VPS50: variants seen among roughly 807,000 people sequenced by gnomAD.
VPS50 encodes syndetin.
VPS50 carries 70 observed loss-of-function variants against 139.7 expected under a neutral mutation model. The ratio of observed to expected loss-of-function variants is 0.50; its 90% CI spans 0.41 to 0.61. VPS50 has a LOEUF of 0.61. VPS50 is among the 20% of genes least tolerant of loss of function. The pLI is 0.00. For missense variants in VPS50, 921 were observed against 1,133.7 expected, an observed-to-expected ratio of 0.81 and a Z score of 2.69; for synonymous variants, 365 against 376.7, an observed-to-expected ratio of 0.97 and a Z score of 0.36.
chr7:93,332,144 A>G (rs1183268822), intron 21 of VPS50, among the ~76,000 whole-genome samples: 1 of 152,234 alleles, frequency 6.6e-6, no homozygotes, highest in Non-Finnish European at 1.5e-5. Flanking sequence ...CTGCTAAAGA[A>G]CAGAAATTTA....
intron 1 of VPS50, among the ~76,000 whole-genome samples, chr7:93,239,357 A>G (rs748420623): frequency 1.3e-5 from 2 of 152,188 alleles, no homozygotes; most frequent in African/African-American, 2.4e-5. Flanking sequence ...AGACAGTGAG[A>G]TATGAGACTT....
chr7:93,336,009 T>C (rs1418876338), intron 22 of VPS50, among the ~76,000 whole-genome samples: 3 of 152,214 alleles, frequency 2.0e-5, no homozygotes, highest in South Asian at 4.1e-4. Context: ...GATCTCAGGA[T>C]TTTTTAAGCT....
chr7:93,332,929 T>A (rs1797977122), intron 21 of VPS50, among the ~76,000 whole-genome samples: 1 of 148,360 alleles, frequency 6.7e-6, no homozygotes, highest in Non-Finnish European at 1.5e-5. Flanking sequence ...AAAACTACAG[T>A]GAGAGAAAGC....
intron 21 of VPS50, among the ~76,000 whole-genome samples, chr7:93,333,695 C>T (rs1383515854): frequency 2.0e-5 from 3 of 152,118 alleles, no homozygotes; most frequent in African/African-American, 7.2e-5. Context: ...GTTAAGCTAT[C>T]GCTAATTTGT....
At chr7:93,291,039 A>G (rs1389583686) in intron 12 of VPS50, among the ~76,000 whole-genome samples, 1 of 152,134 alleles carries the variant, frequency 6.6e-6, no homozygotes, top group African/African-American at 2.4e-5. Context: ...TTGCTGCATT[A>G]TGACAAATGG....
rs530410709 is a variant in VPS50, at chr7:93,321,568, T to C, written c.1856-2043T>C. Among the ~76,000 whole-genome samples, 9 of 152,332 alleles carry C rather than the reference T, an allele frequency of 5.9e-5. No individual in the cohort carries two copies. In the East Asian group the frequency reaches 1.5e-3, roughly 26 times the overall value. The stretch of plus-strand genomic sequence containing the variant: ...GTTCCTTAATACAAGGCCAAGTATA[T>C]AGTAAGCCTTCAAAACGCGTTTGTT... On this transcript the variant is annotated intron_variant, in intron 20 of 27. Coordinates refer to ENST00000305866, the MANE Select transcript of VPS50 (RefSeq NM_017667.4).
At chr7:93,270,245 C>T (rs1393584299) in intron 9 of VPS50, among the ~76,000 whole-genome samples, 1 of 151,838 alleles carries the variant, frequency 6.6e-6, no homozygotes, top group Non-Finnish European at 1.5e-5. Context: ...GTAATTACCA[C>T]CTAGAAGTAG....
At chr7:93,322,232 A>G (rs1024260090) in intron 20 of VPS50, among the ~76,000 whole-genome samples, 7 of 152,360 alleles carry the variant, frequency 4.6e-5, no homozygotes, top group Admixed American at 3.9e-4. Flanking sequence ...TTTTGATAGT[A>G]GACATTTCCT....
At chr7:93,322,474 C>G (rs1349597913) in intron 20 of VPS50, among the ~76,000 whole-genome samples, 1 of 151,356 alleles carries the variant, frequency 6.6e-6, no homozygotes, top group Non-Finnish European at 1.5e-5. Context: ...GTAGCGGGCG[C>G]CTGTAGTCCC....
At position 93,353,627 on chromosome 7, in the gene VPS50, T is replaced by C. The variant is rs779299803; in HGVS notation, c.2464-13T>C. ...AATGATATTCACAAACAGCTACCTA[T>C]TTGTCTTCTTAGGAATTTGAGCAGT... On this transcript the variant is annotated splice_polypyrimidine_tract_variant and intron_variant, in intron 25 of 27. Transcript: ENST00000305866. 6 of 1,606,492 alleles carry C rather than the reference T, an allele frequency of 3.7e-6. No individual in the cohort carries two copies. In the South Asian group the frequency reaches 5.6e-5, roughly 15 times the overall value.
chr7:93,265,325 C>T (rs530957932), intron 9 of VPS50, among the ~76,000 whole-genome samples: 82 of 152,246 alleles, frequency 5.4e-4, no homozygotes, highest in South Asian at 1.7e-3. Context: ...ACATGCCATA[C>T]GTCTCTGTTG....
intron 9 of VPS50, among the ~76,000 whole-genome samples, chr7:93,270,724 A>G (rs1795980269): frequency 6.6e-6 from 1 of 151,906 alleles, no homozygotes. Flanking sequence ...GTCCTTGCCA[A>G]CATTTGGTGG....
At chr7:93,241,456 T>G (rs1794988262) in intron 2 of VPS50, among the ~76,000 whole-genome samples, 1 of 152,104 alleles carries the variant, frequency 6.6e-6, no homozygotes, top group Non-Finnish European at 1.5e-5. Context: ...AGAAGCTAAG[T>G]TAGTTAAATA....
chr7:93,238,211 G>A lies in VPS50; in HGVS notation c.34-1655G>A, dbSNP rs10280473. Among the ~76,000 whole-genome samples, 1,517 of 151,934 alleles carry A rather than the reference G, an allele frequency of 1.0e-2. 19 individuals carry two copies. Among genetic ancestry groups the A allele is most frequent in the African/African-American group, 0.034 (1,411 of 41,414 alleles). On this transcript the variant is annotated intron_variant, in intron 1 of 27. Transcript: ENST00000305866. ...CCCTCATGACTGTTGGTGAGAATTC[G>A]AGACAGGGAAGAACAAACCGCCCAA... is the stretch of plus-strand genomic sequence containing the variant.
intron 9 of VPS50, among the ~76,000 whole-genome samples, chr7:93,270,744 T>A (rs1237234892): frequency 6.6e-6 from 1 of 152,010 alleles, no homozygotes; most frequent in African/African-American, 2.4e-5. Context: ...GTGTCATTTT[T>A]AATTTTTTAA....
Position 93,271,189 on chromosome 7 carries a change from AG to A in VPS50, c.660-30del, listed in dbSNP as rs767597992. ...TTAGCACTTAGTTTGTCTCAGAAAT[AG>A]AAAAAAACTGTTTTTTTTTTTTTTA... On this transcript the variant is annotated intron_variant, in intron 9 of 27. Coordinates refer to ENST00000305866, the MANE Select transcript of VPS50 (RefSeq NM_017667.4). 5.1e-5 allele frequency: 79 copies of A among 1,557,724 alleles called. 1 individual carries two copies. In the Middle Eastern group the frequency reaches 3.1e-3, roughly 61 times the overall value.
chr7:93,309,320 C>T (rs890616677), intron 19 of VPS50, among the ~76,000 whole-genome samples: 1 of 152,034 alleles, frequency 6.6e-6, no homozygotes, highest in African/African-American at 2.4e-5. Flanking sequence ...TTGAGTTATA[C>T]AGTTTGTTTG....
chr7:93,282,937 G>A (rs1796371224), intron 12 of VPS50, among the ~76,000 whole-genome samples: 1 of 152,134 alleles, frequency 6.6e-6, no homozygotes, highest in African/African-American at 2.4e-5. Flanking sequence ...ATAATTTTAT[G>A]TAATGATTTC....
chr7:93,249,740 T>C (rs924164819), intron 2 of VPS50, among the ~76,000 whole-genome samples: 1 of 152,154 alleles, frequency 6.6e-6, no homozygotes, highest in Non-Finnish European at 1.5e-5. Flanking sequence ...TTACAGTATA[T>C]GAAGCTGATA....
Sources: gnomAD v4.1 joint callset for allele counts (sites outside exome capture counted in the v4.1 genomes callset) on GRCh38, gnomAD v4.1.1 for gene constraint, MANE v1.5 for transcripts, NCBI Gene and HGNC (gene_info 2026-07-23, HGNC 2026-07-21) for gene names.